LHFPL3: variants seen among roughly 807,000 people sequenced by gnomAD.
LHFPL3 encodes the protein LHFPL tetraspan subfamily member 3, also known as LHFPL tetraspan subfamily member 3 protein.
A neutral mutation model predicts 19.3 loss-of-function variants in LHFPL3; 5 were observed. That is an observed-to-expected ratio of 0.26 (90% CI 0.14 to 0.54). The LOEUF is 0.54. LHFPL3 is among the 20% of genes least tolerant of loss of function. The pLI is 0.94. For synonymous variants in LHFPL3, 133 were observed against 126.2 expected (o/e 1.05, Z -0.36); for missense variants, 249 against 307.4 (o/e 0.81, Z 1.42).
chr7:104,619,958 G>A (rs1220292155), intron 1 of LHFPL3, among the ~76,000 whole-genome samples: 1 of 152,170 alleles, frequency 6.6e-6, no homozygotes, highest in Admixed American at 6.5e-5. Context: ...TAGATCCCTT[G>A]CATGTGCAGT....
chr7:104,582,825 T>G (rs980505886), intron 1 of LHFPL3, among the ~76,000 whole-genome samples: 1 of 151,946 alleles, frequency 6.6e-6, no homozygotes, highest in Non-Finnish European at 1.5e-5. Flanking sequence ...AATATATTAT[T>G]TGAATCAATT....
At chr7:104,770,328 G>T (rs560105867) in intron 2 of LHFPL3, among the ~76,000 whole-genome samples, 2 of 152,146 alleles carry the variant, frequency 1.3e-5, no homozygotes. Context: ...TTTGAGTTTG[G>T]AGTGCAGGGA....
At chr7:104,850,285 A>G (rs1390267109) in intron 2 of LHFPL3, among the ~76,000 whole-genome samples, 1 of 152,214 alleles carries the variant, frequency 6.6e-6, no homozygotes, top group Non-Finnish European at 1.5e-5. Flanking sequence ...CTGGGCAACA[A>G]GAGTGAAACT....
intron 1 of LHFPL3, among the ~76,000 whole-genome samples, chr7:104,351,038 TA>T (rs35688007): frequency 0.21 from 23,878 of 116,096 alleles, 2,279 homozygotes; most frequent in East Asian, 0.44. Context: ...AGACTCCCTC[TA>T]AAAAAAAAAA....
At chr7:104,509,531 A>G (rs1020242406) in intron 1 of LHFPL3, among the ~76,000 whole-genome samples, 1 of 152,006 alleles carries the variant, frequency 6.6e-6, no homozygotes, top group African/African-American at 2.4e-5. Flanking sequence ...AAAAGTCAAC[A>G]CCCATTCATG....
Position 104,718,653 on chromosome 7 carries a change from A to G in LHFPL3, c.446-18022A>G, listed in dbSNP as rs148606640. Among the ~76,000 whole-genome samples the G allele has an allele frequency of 5.5e-3, 840 of 152,326 alleles. 9 individuals are homozygous for G. The highest frequency in any genetic ancestry group is 0.019 in the African/African-American group (779 of 41,564). Reference sequence around the variant, plus strand: ...GAATTACTAGGTTGGTGCAAAAGTAATCGCAATTTTTGCCATGAAAAGTAA... The same window carrying G: ...GAATTACTAGGTTGGTGCAAAAGTAGTCGCAATTTTTGCCATGAAAAGTAA... On this transcript the variant is annotated intron_variant, in intron 1 of 2. Transcript: ENST00000424859.
rs78029068 is a variant in LHFPL3 at position 104,398,098 on chromosome 7, C to G, written c.445+68874C>G. ...TTTGTAAGTCTCTACAGCTTTTCTT[C>G]AACTTTCTTCTAACAGAAAGATCAC... On this transcript the variant is annotated intron_variant, in intron 1 of 2. Coordinates refer to ENST00000424859, the MANE Select transcript of LHFPL3 (RefSeq NM_199000.3). 1.9e-3 allele frequency among the ~76,000 whole-genome samples: 274 copies of G among 145,990 alleles called. 2 individuals carry two copies. Among genetic ancestry groups the G allele is most frequent in the East Asian group, 0.014 (69 of 4,992 alleles).
At chr7:104,584,744 T>C (rs1007390218) in intron 1 of LHFPL3, among the ~76,000 whole-genome samples, 12 of 152,086 alleles carry the variant, frequency 7.9e-5, no homozygotes, top group South Asian at 2.1e-4. Context: ...TTCAAGGAAG[T>C]AGTAAAACCC....
At chr7:104,827,430 A>G (rs1790847016) in intron 2 of LHFPL3, among the ~76,000 whole-genome samples, 1 of 151,988 alleles carries the variant, frequency 6.6e-6, no homozygotes, top group Non-Finnish European at 1.5e-5. Flanking sequence ...GTACAATTAG[A>G]TTATAGTCTT....
rs913026839 is a variant in LHFPL3 at position 104,332,198 on chromosome 7, T to C, written c.445+2974T>C. 9.9e-5 allele frequency among the ~76,000 whole-genome samples: 15 copies of C among 150,862 alleles called. No homozygotes were observed. In the Admixed American group the frequency reaches 1.0e-3, roughly 10 times the overall value. Reference sequence around the variant, plus strand: ...TACTAACATCCTATATGTAGTCAGGTAGAATATAAAATCCTATTTCTTTTC... The same window carrying C: ...TACTAACATCCTATATGTAGTCAGGCAGAATATAAAATCCTATTTCTTTTC... On this transcript the variant is annotated intron_variant, in intron 1 of 2. Transcript: ENST00000424859.
chr7:104,544,897 G>T (rs1211372186), intron 1 of LHFPL3, among the ~76,000 whole-genome samples: 1 of 152,110 alleles, frequency 6.6e-6, no homozygotes, highest in Non-Finnish European at 1.5e-5. Context: ...TTTTGGAAAA[G>T]TATCTGGCTT....
chr7:104,755,202 C>G (rs4266583), intron 2 of LHFPL3, among the ~76,000 whole-genome samples: 83,143 of 151,914 alleles, frequency 0.55, 23,759 homozygotes, highest in East Asian at 0.89. Flanking sequence ...GGTGATGACA[C>G]GGCACAGAAT....
intron 2 of LHFPL3, among the ~76,000 whole-genome samples, chr7:104,803,176 A>G (rs1440552039): frequency 2.0e-5 from 3 of 152,198 alleles, no homozygotes; most frequent in African/African-American, 4.8e-5. Flanking sequence ...TCCAGATCCA[A>G]CATACCACTT....
chr7:104,641,333 C>T (rs911865265), intron 1 of LHFPL3, among the ~76,000 whole-genome samples: 3 of 152,186 alleles, frequency 2.0e-5, no homozygotes, highest in Non-Finnish European at 2.9e-5. Context: ...CTCACTTAAA[C>T]GAGACCAGTC....
intron 1 of LHFPL3, among the ~76,000 whole-genome samples, chr7:104,669,826 C>A (rs1263179196): frequency 1.3e-5 from 2 of 152,146 alleles, no homozygotes; most frequent in Non-Finnish European, 2.9e-5. Flanking sequence ...AGTTGTGGTG[C>A]GTTATGTCAC....
chr7:104,613,830 A>C (rs115611977), intron 1 of LHFPL3, among the ~76,000 whole-genome samples: 1 of 152,330 alleles, frequency 6.6e-6, no homozygotes, highest in African/African-American at 2.4e-5. Context: ...GACTCCATTC[A>C]AACAAAAGGC....
intron 1 of LHFPL3, among the ~76,000 whole-genome samples, chr7:104,375,085 T>A (rs1295435498): frequency 1.3e-5 from 2 of 152,208 alleles, no homozygotes; most frequent in African/African-American, 4.8e-5. Context: ...ACCCCTGTAA[T>A]CCCAACACTT....
intron 1 of LHFPL3, among the ~76,000 whole-genome samples, chr7:104,600,775 C>T (rs1021145819): frequency 1.3e-5 from 2 of 152,170 alleles, no homozygotes; most frequent in Non-Finnish European, 2.9e-5. Context: ...CACAGTGTAC[C>T]TGTGATTTGG....
At chr7:104,857,031 TGCCAGGG>T (rs1440440660) in intron 2 of LHFPL3, among the ~76,000 whole-genome samples, 1 of 152,236 alleles carries the variant, frequency 6.6e-6, no homozygotes, top group Non-Finnish European at 1.5e-5. Flanking sequence ...TTGTGCTGTA[TGCCAGGG>T]TCTTTGCCTA....
Sources: gnomAD v4.1 joint callset for allele counts (sites outside exome capture counted in the v4.1 genomes callset) on GRCh38, gnomAD v4.1.1 for gene constraint, MANE v1.5 for transcripts, NCBI Gene and HGNC (gene_info 2026-07-23, HGNC 2026-07-21) for gene names.